Variants in CTNNA3 observed in about 807,000 individuals in gnomAD.
The protein encoded by CTNNA3 is catenin alpha-3.
In CTNNA3, 76 loss-of-function variants were observed where a neutral mutation model predicts 95.7. The observed-to-expected ratio is 0.79, with a 90% CI of 0.66 to 0.96. The LOEUF is 0.96. CTNNA3 is among the 40% of genes least tolerant of loss of function. The pLI is 0.00. For synonymous variants in CTNNA3, 431 were observed against 374.4 expected, an observed-to-expected ratio of 1.15 and a Z score of -1.74; for missense variants, 1,191 against 1,089.8, an observed-to-expected ratio of 1.09 and a Z score of -1.31.
At chr10:67,470,642 A>AACACACAC (rs10695283) in intron 5 of CTNNA3, among the ~76,000 whole-genome samples, 44 of 148,692 alleles carry the variant, frequency 3.0e-4, no homozygotes, top group African/African-American at 9.3e-4. Context: ...GCAAGTTTGC[A>AACACACAC]ACACACACAC....
rs1424712176 is a variant in CTNNA3, at chr10:66,332,032, T to TTTGGCTCTC, written c.1732+47111_1732+47119dup. On this transcript the variant is annotated intron_variant, in intron 12 of 17. Coordinates refer to ENST00000433211, the MANE Select transcript of CTNNA3 (RefSeq NM_013266.4). The stretch of plus-strand genomic sequence containing the variant: ...ATTGTGAATGGGAGTTCACTCATGA[T>TTTGGCTCTC]TTGGCTCTCTGTTTGTCTGTTATTG... 2.0e-5 allele frequency among the ~76,000 whole-genome samples: 3 copies of TTTGGCTCTC among 152,054 alleles called. No individual in the cohort carries two copies. The East Asian group carries it at 5.8e-4, about 29-fold the overall frequency.
chr10:66,471,402 A>C (rs1839127175), intron 11 of CTNNA3, among the ~76,000 whole-genome samples: 1 of 151,758 alleles, frequency 6.6e-6, no homozygotes, highest in African/African-American at 2.4e-5. Context: ...CTTAAATTTA[A>C]GTTTTCAAAA....
chr10:66,232,791 T>C (rs1176079798), intron 13 of CTNNA3, among the ~76,000 whole-genome samples: 2 of 152,156 alleles, frequency 1.3e-5, no homozygotes, highest in Non-Finnish European at 2.9e-5. Context: ...ATTTGATAAT[T>C]GTTACTAGGT....
intron 12 of CTNNA3, among the ~76,000 whole-genome samples, chr10:66,296,268 T>G (rs1378231792): frequency 6.6e-6 from 1 of 152,142 alleles, no homozygotes; most frequent in Admixed American, 6.5e-5. Context: ...TTCATGACTT[T>G]GATGGGATAA....
At chr10:66,859,958 C>T (rs12782569) in intron 7 of CTNNA3, among the ~76,000 whole-genome samples, 58,708 of 111,548 alleles carry the variant, frequency 0.53, 15,828 homozygotes, top group Non-Finnish European at 0.58. Flanking sequence ...TAGGTGGGAA[C>T]TGAACAATGA....
At chr10:66,403,740 A>T (rs890141279) in intron 11 of CTNNA3, among the ~76,000 whole-genome samples, 5 of 152,224 alleles carry the variant, frequency 3.3e-5, no homozygotes, top group African/African-American at 1.2e-4. Flanking sequence ...CTTCATTAAT[A>T]AACTGCCCTT....
intron 11 of CTNNA3, among the ~76,000 whole-genome samples, chr10:66,419,815 T>C (rs1307371697): frequency 6.6e-6 from 1 of 152,124 alleles, no homozygotes; most frequent in Non-Finnish European, 1.5e-5. Context: ...TAAATAGTGC[T>C]GGGGAAATTG....
At chr10:66,166,255 A>G (rs2085120389) in intron 13 of CTNNA3, among the ~76,000 whole-genome samples, 1 of 151,884 alleles carries the variant, frequency 6.6e-6, no homozygotes. Flanking sequence ...CAGGAGTCCA[A>G]GAGATCAGGA....
At chr10:65,959,269 C>G (rs564874898) in intron 17 of CTNNA3, among the ~76,000 whole-genome samples, 1 of 152,112 alleles carries the variant, frequency 6.6e-6, no homozygotes, top group Non-Finnish European at 1.5e-5. Flanking sequence ...GGGAGTGTCC[C>G]AATTTTCCAG....
intron 11 of CTNNA3, among the ~76,000 whole-genome samples, chr10:66,481,416 G>T (rs1839520581): frequency 6.8e-6 from 1 of 147,878 alleles, no homozygotes; most frequent in South Asian, 2.1e-4. Context: ...GCTGTTTTAG[G>T]TATTGGGTAT....
At position 67,313,222 on chromosome 10, in the gene CTNNA3, G is replaced by T. The variant is rs569089843; in HGVS notation, c.580-93352C>A. Among the ~76,000 whole-genome samples the T allele has an allele frequency of 2.0e-5, 3 of 152,050 alleles. No individual in the cohort carries two copies. In the East Asian group the frequency reaches 5.8e-4, roughly 29 times the overall value. On this transcript the variant is annotated intron_variant, in intron 5 of 17. Transcript: ENST00000433211. ...GAGGCCAAGGCAGGCGGATCACGAGGTCAGGAGATCAAGACCATCCTGGCT... is the reference window on the plus strand; with the variant it reads ...GAGGCCAAGGCAGGCGGATCACGAGTTCAGGAGATCAAGACCATCCTGGCT...
At chr10:67,762,383 CAAAA>C (rs528181955) in intron 1 of CTNNA3, among the ~76,000 whole-genome samples, 1 of 136,970 alleles carries the variant, frequency 7.3e-6, no homozygotes, top group African/African-American at 2.7e-5. Flanking sequence ...CTCCCCCCCC[CAAAA>C]AAAAAAAAGC....
At chr10:67,011,532 A>T (rs1424582896) in intron 7 of CTNNA3, among the ~76,000 whole-genome samples, 1 of 152,130 alleles carries the variant, frequency 6.6e-6, no homozygotes, top group Non-Finnish European at 1.5e-5. Flanking sequence ...TACTGTCAAT[A>T]TTTATGGAAA....
At chr10:65,948,048 T>C (rs1039319226) in intron 17 of CTNNA3, among the ~76,000 whole-genome samples, 5 of 152,032 alleles carry the variant, frequency 3.3e-5, no homozygotes, top group East Asian at 1.9e-4. Flanking sequence ...GAGGCCAAGG[T>C]GGGCGGATCA....
chr10:67,009,225 C>T (rs1046029019), intron 7 of CTNNA3, among the ~76,000 whole-genome samples: 4 of 151,992 alleles, frequency 2.6e-5, no homozygotes, highest in African/African-American at 9.7e-5. Context: ...TTCAAGAATA[C>T]AAATTATATT....
At chr10:66,693,866 G>T (rs1156669221) in intron 9 of CTNNA3, among the ~76,000 whole-genome samples, 1 of 151,982 alleles carries the variant, frequency 6.6e-6, no homozygotes, top group African/African-American at 2.4e-5. Context: ...TGACTACTGG[G>T]TACATAACAA....
intron 7 of CTNNA3, among the ~76,000 whole-genome samples, chr10:66,933,071 A>C (rs2132648260): frequency 6.6e-6 from 1 of 152,278 alleles, no homozygotes; most frequent in South Asian, 2.1e-4. Context: ...TACTTTGTAA[A>C]CTCTAAAATG....
chr10:66,493,698 C>T (rs1589329593), intron 11 of CTNNA3, among the ~76,000 whole-genome samples: 1 of 149,954 alleles, frequency 6.7e-6, no homozygotes, highest in East Asian at 2.1e-4. Flanking sequence ...CTCTGCCTCC[C>T]GGGTTCACGC....
intron 12 of CTNNA3, among the ~76,000 whole-genome samples, chr10:66,362,007 G>C (rs1437364399): frequency 1.3e-5 from 2 of 151,516 alleles, no homozygotes; most frequent in Non-Finnish European, 2.9e-5. Context: ...AAAGATCTGT[G>C]TGACATATGC....
Sources: gnomAD v4.1 joint callset for allele counts (sites outside exome capture counted in the v4.1 genomes callset) on GRCh38, gnomAD v4.1.1 for gene constraint, MANE v1.5 for transcripts, NCBI Gene and HGNC (gene_info 2026-07-23, HGNC 2026-07-21) for gene names.